Variants in PDE1A observed in about 807,000 individuals in gnomAD.
The protein encoded by PDE1A is dual specificity calcium/calmodulin-dependent 3',5'-cyclic nucleotide phosphodiesterase 1A.
In PDE1A, 35 loss-of-function variants were observed where a neutral mutation model predicts 61.7. The ratio of observed to expected loss-of-function variants is 0.57; its 90% CI spans 0.43 to 0.75. PDE1A has a LOEUF of 0.75. Among genes scored for constraint, PDE1A ranks in the 30% least tolerant of loss-of-function variants. The pLI is 0.00. For synonymous variants in PDE1A, 232 were observed against 213.2 expected (o/e 1.09, Z -0.77); for missense variants, 597 against 630.6 (o/e 0.95, Z 0.57).
intron 13 of PDE1A, among the ~76,000 whole-genome samples, chr2:182,151,588 C>G (rs913429857): frequency 2.0e-5 from 3 of 152,184 alleles, no homozygotes; most frequent in African/African-American, 7.2e-5. Context: ...CTACCCTCAC[C>G]AATTCTGCTG....
chr2:182,665,258 G>A, the PDE1A span, among the ~76,000 whole-genome samples: 2 of 152,154 alleles, frequency 1.3e-5, no homozygotes, highest in South Asian at 4.2e-4. Flanking sequence ...CTTCTGCAGA[G>A]CAAAAGAAAC....
chr2:182,215,827 T>C (rs1688124936), intron 7 of PDE1A, among the ~76,000 whole-genome samples: 1 of 70,530 alleles, frequency 1.4e-5, no homozygotes, highest in Non-Finnish European at 2.8e-5. Context: ...AGCCGAATTC[T>C]ACCAGAGGTA....
intron 2 of PDE1A, among the ~76,000 whole-genome samples, chr2:182,259,141 A>G (rs1692046936): frequency 6.6e-6 from 1 of 152,200 alleles, no homozygotes; most frequent in African/African-American, 2.4e-5. Context: ...TTTCTACCAG[A>G]CTAACTTCTC....
At chr2:182,272,476 A>G (rs1342031606) in intron 1 of PDE1A, among the ~76,000 whole-genome samples, 1 of 152,204 alleles carries the variant, frequency 6.6e-6, no homozygotes, top group African/African-American at 2.4e-5. Flanking sequence ...GGAAAGAATA[A>G]AGGCATTTTC....
chr2:182,161,130 G>C lies in PDE1A; in HGVS notation c.1517-13978C>G, dbSNP rs1691354305. ...GGACAAAGTGAGGAAAGAAAAAGAT[G>C]AGCTCAGGGATTCCAACTCCCAGCT... On this transcript the variant is annotated intron_variant, in intron 13 of 13. Coordinates refer to the PDE1A transcript ENST00000409365. 2.6e-5 allele frequency among the ~76,000 whole-genome samples: 4 copies of C among 152,098 alleles called. No homozygotes were observed. The South Asian group carries it at 6.2e-4, about 24-fold the overall frequency.
intron 2 of PDE1A, among the ~76,000 whole-genome samples, chr2:182,480,738 T>C (rs1687649837): frequency 6.6e-6 from 1 of 151,716 alleles, no homozygotes; most frequent in Admixed American, 6.6e-5. Context: ...CTGAAACCAA[T>C]CCCCCACGAT....
intron 1 of PDE1A, among the ~76,000 whole-genome samples, chr2:182,385,324 T>C (rs146047759): frequency 6.6e-6 from 1 of 152,068 alleles, no homozygotes; most frequent in Non-Finnish European, 1.5e-5. Context: ...AGGTTGACAG[T>C]CAAAACTATT....
intron 7 of PDE1A, among the ~76,000 whole-genome samples, chr2:182,221,379 T>G (rs1688713530): frequency 6.6e-6 from 1 of 152,096 alleles, no homozygotes; most frequent in South Asian, 2.1e-4. Context: ...GATCTTTAAT[T>G]AAAATCCTCC....
the PDE1A span, among the ~76,000 whole-genome samples, chr2:182,704,129 C>T: frequency 3.4e-5 from 5 of 146,726 alleles, no homozygotes; most frequent in South Asian, 2.2e-4. Flanking sequence ...GAGAATTGCT[C>T]GAATCCGGGG....
chr2:182,385,190 A>G (rs1396935401), intron 1 of PDE1A, among the ~76,000 whole-genome samples: 1 of 152,224 alleles, frequency 6.6e-6, no homozygotes, highest in East Asian at 1.9e-4. Context: ...TTGAAAGAAA[A>G]GGATGCTAAT....
chr2:182,298,159 G>A (rs965240414), intron 1 of PDE1A, among the ~76,000 whole-genome samples: 1 of 152,128 alleles, frequency 6.6e-6, no homozygotes, highest in Non-Finnish European at 1.5e-5. Flanking sequence ...GAAGAATTGG[G>A]ATAAAATACA....
intron 1 of PDE1A, among the ~76,000 whole-genome samples, chr2:182,330,785 T>C (rs1697354565): frequency 6.6e-6 from 1 of 152,164 alleles, no homozygotes; most frequent in South Asian, 2.1e-4. Flanking sequence ...CTGACTAGTT[T>C]CTTGGTTTCT....
rs754528832 is a variant in PDE1A at position 182,516,640 on chromosome 2, AAAAG to A, written c.101+5632_101+5635del. Among the ~76,000 whole-genome samples, 3 of 149,718 alleles carry A rather than the reference AAAAG, an allele frequency of 2.0e-5. No homozygotes were observed. In the Admixed American group the frequency reaches 2.0e-4, roughly 10 times the overall value. On this transcript the variant is annotated intron_variant, in intron 2 of 14. Transcript: ENST00000410103. ...TGCACCAGAGTGAGATCCTATCTGA[AAAAG>A]AAAGAAAGAGAGAAAGAGAGAAAGA... is the stretch of plus-strand genomic sequence containing the variant.
chr2:182,288,495 G>C (rs1694313872), intron 1 of PDE1A, among the ~76,000 whole-genome samples: 1 of 152,042 alleles, frequency 6.6e-6, no homozygotes, highest in Admixed American at 6.6e-5. Flanking sequence ...TAATCATCCA[G>C]TTCTCCTGGA....
the PDE1A span, among the ~76,000 whole-genome samples, chr2:182,705,667 C>T: frequency 1.1e-4 from 16 of 152,138 alleles, no homozygotes; most frequent in Non-Finnish European, 1.5e-4. Context: ...GCATGCGCCA[C>T]CAAGCCCAGC....
At chr2:182,623,294 A>C in the PDE1A span, among the ~76,000 whole-genome samples, 374 of 152,312 alleles carry the variant, frequency 2.5e-3, 1 homozygote, top group African/African-American at 8.5e-3. Flanking sequence ...TTGCATGTAG[A>C]GAGAAGTTTA....
chr2:182,698,645 A>G, the PDE1A span, among the ~76,000 whole-genome samples: 3 of 152,346 alleles, frequency 2.0e-5, no homozygotes, highest in Admixed American at 2.0e-4. Context: ...GAATGATGAC[A>G]TAAAAGTGCT....
At chr2:182,588,203 A>C in the PDE1A span, among the ~76,000 whole-genome samples, 8 of 152,336 alleles carry the variant, frequency 5.3e-5, no homozygotes, top group East Asian at 1.5e-3. Context: ...CTACAGCATA[A>C]AACAGGGAAA....
At chr2:182,181,902 T>C (rs1559147245) in intron 13 of PDE1A, among the ~76,000 whole-genome samples, 2 of 152,170 alleles carry the variant, frequency 1.3e-5, no homozygotes, top group Non-Finnish European at 2.9e-5. Flanking sequence ...AGCCCAGCAG[T>C]TTGCTTATTT....
Sources: gnomAD v4.1 joint callset for allele counts (sites outside exome capture counted in the v4.1 genomes callset) on GRCh38, gnomAD v4.1.1 for gene constraint, MANE v1.5 for transcripts, NCBI Gene and HGNC (gene_info 2026-07-23, HGNC 2026-07-21) for gene names.